The following PGAP2 variants were observed in gnomAD, a reference collection of about 807,000 sequenced individuals.
PGAP2 encodes the protein acyltransferase PGAP2.
Under a neutral mutation model 33.2 loss-of-function variants are expected in PGAP2, and 21 were observed. That is an observed-to-expected ratio of 0.63 (90% CI 0.45 to 0.91). PGAP2 has a LOEUF of 0.91. Among genes scored for constraint, PGAP2 ranks in the 40% least tolerant of loss-of-function variants. The pLI, the probability that PGAP2 is intolerant of heterozygous loss-of-function variation, is 0.00. For synonymous variants in PGAP2, 161 were observed against 172.9 expected, an observed-to-expected ratio of 0.93 and a Z score of 0.54; for missense variants, 345 against 424.0, an observed-to-expected ratio of 0.81 and a Z score of 1.64.
chr11:3,797,926 C>T (rs1340026153), exon 1 of PGAP2: 3 of 1,547,886 alleles, frequency 1.9e-6, no homozygotes, highest in East Asian at 2.5e-5. Flanking sequence ...CTTGGAGCGC[C>T]GCGACTCGGG....
upstream of PGAP2, among the ~76,000 whole-genome samples, chr11:3,804,402 T>C (rs2083980622): frequency 6.6e-6 from 1 of 152,038 alleles, no homozygotes; most frequent in African/African-American, 2.4e-5. Flanking sequence ...GTCTTGGTCA[T>C]GAAAAAGATC....
In PGAP2 at chr11:3,824,081, G is replaced by A. The variant is rs371241993; in HGVS notation, c.547G>A (p.Val183Met). The change falls in exon 4 of 7, where the codon GTG (valine) becomes ATG (methionine). Residue 183 changes from valine to methionine, a missense_variant. Physicochemically the swap from Val to Met is conservative, Grantham distance 21. Transcript: ENST00000278243. ...CCGCCTCAACTTCGGCCTCAATGTC[G>A]TGGAGAACCTCGCGTTGCTAGTGCT... ...LCRLNFGLNVVENLALLVLTY... is the reference protein window; with the variant it reads ...LCRLNFGLNVMENLALLVLTY... 2.7e-5 allele frequency: 43 copies of A among 1,614,166 alleles called. No individual in the cohort carries two copies. The highest frequency in any genetic ancestry group is 2.3e-4 in the African/African-American group (17 of 75,032).
In PGAP2 at chr11:3,811,379, G is replaced by A; in HGVS notation, c.120G>A (p.Trp40Ter). The change falls in exon 2 of 7, where the codon TGG (tryptophan) becomes TGA (stop). Residue 40 changes from tryptophan to a stop codon, truncating the protein, a stop_gained. Transcript: ENST00000278243. LOFTEE classifies it high-confidence loss of function. The surrounding 1 kb of genome is among the most constrained non-coding windows in gnomAD (Gnocchi z 4.6). ...PLVAFLFCILWSLLFHFKETT... is the reference protein window; with the variant it reads ...PLVAFLFCIL ...TCGCCTTCCTCTTCTGCATCCTCTG[G>A]TCCCTGCTCTTCCACTTCAAGGAGA... 1 of 1,614,044 alleles carries A rather than the reference G, an allele frequency of 6.2e-7. No homozygotes were observed.
At position 3,812,122 on chromosome 11, in the gene PGAP2, G is replaced by A. The variant is rs532999327; in HGVS notation, c.165+698G>A. Among the ~76,000 whole-genome samples, 5 of 152,056 alleles carry A rather than the reference G, an allele frequency of 3.3e-5. No individual in the cohort carries two copies. The East Asian group carries it at 9.7e-4, about 30-fold the overall frequency. On this transcript the variant is annotated intron_variant, in intron 2 of 6. Coordinates refer to ENST00000278243, the MANE Select transcript of PGAP2 (RefSeq NM_014489.4). ...TCTGGACAGGGATATGGGGTGCGGG[G>A]CCAGGAAGAAAGATGTAAGACCACT...
rs7105207 is a variant in PGAP2 at position 3,798,189 on chromosome 11, T to A, written c.139+207T>A. The A allele has an allele frequency of 0.11, 140,592 of 1,298,778 alleles. 8,111 individuals are homozygous for A. The highest frequency in any genetic ancestry group is 0.13 in the Middle Eastern group (464 of 3,610). The allele number at this position is 1,298,778 out of a possible 1,614,324, so 80.5% of individuals were successfully genotyped here. On this transcript the variant is annotated intron_variant, in intron 1 of 6. Coordinates refer to the PGAP2 transcript ENST00000300730. ...TCCTGACCCATGCTCGCCCCAGCACTTTCTTTCCCTCCCTGAATTTCTAGG... is the reference window on the plus strand; with the variant it reads ...TCCTGACCCATGCTCGCCCCAGCACATTCTTTCCCTCCCTGAATTTCTAGG...
intron 1 of PGAP2, among the ~76,000 whole-genome samples, chr11:3,799,233 T>C (rs1046873788): frequency 6.6e-6 from 1 of 152,180 alleles, no homozygotes; most frequent in Non-Finnish European, 1.5e-5. Flanking sequence ...GCAGGAACTG[T>C]GCGCAGAAAG....
intron 1 of PGAP2, chr11:3,798,049 G>A (rs925134425): frequency 1.3e-6 from 2 of 1,522,976 alleles, no homozygotes; most frequent in African/African-American, 1.4e-5. Context: ...TAGTCTCTCT[G>A]CCCGCACTTC....
chr11:3,822,940 A>C (rs1269753925), intron 3 of PGAP2: 4 of 1,542,874 alleles, frequency 2.6e-6, no homozygotes, highest in South Asian at 2.4e-5. Context: ...TCCAGGCATT[A>C]AGATGGATGG....
chr11:3,816,485 C>T (rs2087050947), intron 2 of PGAP2, among the ~76,000 whole-genome samples: 1 of 152,102 alleles, frequency 6.6e-6, no homozygotes, highest in Non-Finnish European at 1.5e-5. Context: ...AAGCTCAGTT[C>T]CCTGGGTCTG....
rs902457597 is a variant in PGAP2 at position 3,811,120 on chromosome 11, G to A, written c.-10-130G>A. On this transcript the variant is annotated intron_variant, in intron 1 of 6. Coordinates refer to ENST00000278243, the MANE Select transcript of PGAP2 (RefSeq NM_014489.4). The surrounding 1 kb of genome is among the most constrained non-coding windows in gnomAD (Gnocchi z 4.6). ...CAGGGCAAGAGCTATCCAAGTTTAG[G>A]TGCCTTCCTCCTCAGACTCCCCACC... The A allele has an allele frequency of 8.5e-6, 6 of 708,504 alleles. No individual in the cohort carries two copies. In the East Asian group the frequency reaches 1.1e-4, roughly 13 times the overall value. 43.9% of individuals were successfully genotyped at this position (708,504 alleles called of 1,614,324 possible).
chr11:3,825,518 C>A lies in PGAP2; in HGVS notation c.*60C>A. Reference sequence around the variant, plus strand: ...TGCCCAGAAACAAGAAACACGATACCATTCTGGCCTTCCCCACCCCACATC... The same window carrying A: ...TGCCCAGAAACAAGAAACACGATACAATTCTGGCCTTCCCCACCCCACATC... On this transcript the variant is annotated 3_prime_UTR_variant, in exon 7 of 7. Coordinates refer to ENST00000278243, the MANE Select transcript of PGAP2 (RefSeq NM_014489.4). The A allele has an allele frequency of 1.3e-6, 2 of 1,550,362 alleles. No homozygotes were observed. The highest frequency in any genetic ancestry group is 1.2e-5 in the South Asian group (1 of 85,130).
chr11:3,814,818 CTTTCT>C (rs1482255365), intron 2 of PGAP2, among the ~76,000 whole-genome samples: 47 of 128,112 alleles, frequency 3.7e-4, no homozygotes, highest in East Asian at 8.8e-4. Flanking sequence ...CTTTCTCTTT[CTTTCT>C]TTTTTTCTTT....
In PGAP2 at chr11:3,823,387, G is replaced by C. The variant is rs1385108372; in HGVS notation, c.349-496G>C. On this transcript the variant is annotated intron_variant, in intron 3 of 6. Transcript: ENST00000278243. ...GCAGGGGTGCCATTCTACCACCTTGGCACACCTGCCTAGAGGAGTGAGTGG... is the reference window on the plus strand; with the variant it reads ...GCAGGGGTGCCATTCTACCACCTTGCCACACCTGCCTAGAGGAGTGAGTGG... Among the ~76,000 whole-genome samples, 7 of 152,228 alleles carry C rather than the reference G, an allele frequency of 4.6e-5. No homozygotes were observed. The South Asian group carries it at 1.0e-3, about 23-fold the overall frequency.
At chr11:3,808,696 CG>C in intron 1 of PGAP2, 45 bp downstream of exon 1, 1 of 1,061,380 alleles carries the variant, frequency 9.4e-7, no homozygotes, top group Non-Finnish European at 1.1e-6. Context: ...CAGCCCCACT[CG>C]GGAGCTTGGC....
upstream of PGAP2, among the ~76,000 whole-genome samples, chr11:3,807,319 T>G (rs543019505): frequency 1.6e-3 from 241 of 147,592 alleles, 1 homozygote; most frequent in African/African-American, 5.8e-3. Context: ...GTTTTTTTTT[T>G]TTTTTTTAAT....
intron 3 of PGAP2, among the ~76,000 whole-genome samples, chr11:3,819,240 G>C (rs1004687401): frequency 4.6e-5 from 7 of 152,010 alleles, no homozygotes; most frequent in Admixed American, 3.3e-4. Flanking sequence ...TTTTTGTAGA[G>C]ATGGGGTTTT....
rs2084898076 is a variant in PGAP2 at position 3,808,580 on chromosome 11, G to GCAGAGCCAGCCCC, written c.-80_-68dup. 7.4e-7 allele frequency: 1 copy of GCAGAGCCAGCCCC among 1,359,218 alleles called. No individual in the cohort carries two copies. Among genetic ancestry groups the GCAGAGCCAGCCCC allele is most frequent in the Admixed American group, 3.3e-5 (1 of 30,096 alleles). The allele number at this position is 1,359,218 out of a possible 1,614,324, so 84.2% of individuals were successfully genotyped here. ...CCGCCGTTCGCGCTCTGACCAGCCC[G>GCAGAGCCAGCCCC]CAGAGCCAGCCCCCGACCCCGGGCC... On this transcript the variant is annotated 5_prime_UTR_variant, in exon 1 of 7. Transcript: ENST00000278243.
intron 1 of PGAP2, among the ~76,000 whole-genome samples, chr11:3,798,454 C>G (rs544035341): frequency 6.6e-6 from 1 of 152,238 alleles, no homozygotes; most frequent in East Asian, 1.9e-4. Context: ...CTTAGCCTCC[C>G]AAGTAGCTGG....
intron 2 of PGAP2, among the ~76,000 whole-genome samples, chr11:3,816,622 G>T (rs2087082506): frequency 6.6e-6 from 1 of 152,160 alleles, no homozygotes; most frequent in African/African-American, 2.4e-5. Context: ...TCTCCTCAGA[G>T]AGGGAGGAGA....
Sources: gnomAD v4.1 joint callset for allele counts (sites outside exome capture counted in the v4.1 genomes callset) on GRCh38, gnomAD v4.1.1 for gene constraint, Gnocchi (gnomAD v3.1) non-coding constraint, MANE v1.5 for transcripts, NCBI Gene and HGNC (gene_info 2026-07-23, HGNC 2026-07-21) for gene names.